The following ALPK1 variants were observed in gnomAD, a reference collection of about 807,000 sequenced individuals.
ALPK1 encodes alpha kinase 1, also known as alpha-protein kinase 1.
In ALPK1, 110 loss-of-function variants were observed where a neutral mutation model predicts 120.6. That is an observed-to-expected ratio of 0.91 (90% confidence interval 0.78 to 1.07). The LOEUF (loss-of-function observed/expected upper bound fraction) is 1.07. Ranked by LOEUF, ALPK1 falls within the 50% of genes least tolerant of loss-of-function variation. ALPK1 has a pLI of 0.00. For synonymous variants in ALPK1, 582 were observed against 560.3 expected, an observed-to-expected ratio of 1.04 and a Z score of -0.55; for missense variants, 1,498 against 1,483.9, an observed-to-expected ratio of 1.01 and a Z score of -0.16.
At position 112,432,302 on chromosome 4, in the gene ALPK1, A is replaced by T; in HGVS notation, c.2755A>T (p.Asn919Tyr). 1 of 1,614,224 alleles carries T rather than the reference A, an allele frequency of 6.2e-7. No individual in the cohort carries two copies. The highest frequency in any genetic ancestry group is 8.5e-7 in the Non-Finnish European group (1 of 1,180,038). ...EEGNQPGNML[N>Y]CSQNSSSSSV... ...AGGAAATCAGCCTGGAAACATGCTAAACTGCAGCCAGAACTCCAGCTCATC... is the reference window on the plus strand; with the variant it reads ...AGGAAATCAGCCTGGAAACATGCTATACTGCAGCCAGAACTCCAGCTCATC... Residue 919 changes from asparagine to tyrosine, a missense_variant, in exon 11 of 16, where the codon AAC becomes TAC. Transcript: ENST00000650871.
At chr4:112,399,130 T>G (rs975105474) in intron 4 of ALPK1, among the ~76,000 whole-genome samples, 1 of 152,102 alleles carries the variant, frequency 6.6e-6, no homozygotes, top group African/African-American at 2.4e-5. Flanking sequence ...TCATCATCAG[T>G]GTTGATATTT....
At chr4:112,419,102 CTTAG>C (rs1733874654) in intron 5 of ALPK1, among the ~76,000 whole-genome samples, 2 of 152,210 alleles carry the variant, frequency 1.3e-5, no homozygotes, top group Non-Finnish European at 1.5e-5. Flanking sequence ...AATGCCCATT[CTTAG>C]TTAGCAACAA....
At chr4:112,400,510 G>C (rs961864509) in intron 4 of ALPK1, among the ~76,000 whole-genome samples, 4 of 152,178 alleles carry the variant, frequency 2.6e-5, no homozygotes, top group African/African-American at 9.7e-5. Context: ...TTGCCGGGCA[G>C]TAATGGGAGC....
chr4:112,409,892 A>C (rs1475590240), intron 4 of ALPK1, among the ~76,000 whole-genome samples: 2 of 152,190 alleles, frequency 1.3e-5, no homozygotes, highest in Admixed American at 6.5e-5. Flanking sequence ...CAGCAATGAT[A>C]GACTCAGACC....
intron 2 of ALPK1, among the ~76,000 whole-genome samples, chr4:112,317,747 A>G (rs1006460221): frequency 2.6e-5 from 4 of 152,176 alleles, no homozygotes; most frequent in African/African-American, 9.7e-5. Context: ...TACTTTTGGA[A>G]GAAAATGTCA....
chr4:112,392,756 C>G (rs568679521), intron 4 of ALPK1, among the ~76,000 whole-genome samples: 1 of 152,114 alleles, frequency 6.6e-6, no homozygotes, highest in African/African-American at 2.4e-5. Flanking sequence ...GTCTCAAACT[C>G]CTGAGCTCAA....
intron 2 of ALPK1, among the ~76,000 whole-genome samples, chr4:112,376,138 A>G (rs1320212412): frequency 1.3e-5 from 2 of 152,234 alleles, no homozygotes; most frequent in African/African-American, 4.8e-5. Flanking sequence ...CATAACAGAT[A>G]TAATAATAAT....
intron 1 of ALPK1, among the ~76,000 whole-genome samples, chr4:112,308,799 G>A (rs1444725283): frequency 1.3e-5 from 2 of 152,102 alleles, no homozygotes; most frequent in East Asian, 1.9e-4. Context: ...GAGGAGCTGC[G>A]TTCCTTTGGA....
chr4:112,323,989 G>A (rs1431923920), intron 2 of ALPK1, among the ~76,000 whole-genome samples: 1 of 152,190 alleles, frequency 6.6e-6, no homozygotes, highest in Non-Finnish European at 1.5e-5. Context: ...TGTCTCTATT[G>A]CAGCCAAGGA....
rs139973029 is a variant in ALPK1 at position 112,312,127 on chromosome 4, A to G, written c.-152-3674A>G. 3.9e-5 allele frequency among the ~76,000 whole-genome samples: 6 copies of G among 152,332 alleles called. No individual in the cohort carries two copies. In the East Asian group the frequency reaches 1.2e-3, roughly 29 times the overall value. ...ACTTCATTATAAATACTATAGCTAT[A>G]CAAAGAAAAAATTGTAAAATATTCA... On this transcript the variant is annotated intron_variant, in intron 1 of 15. Coordinates refer to ENST00000650871, the MANE Select transcript of ALPK1 (RefSeq NM_025144.4).
At chr4:112,433,362 A>G (rs969627377) in intron 11 of ALPK1, among the ~76,000 whole-genome samples, 1 of 152,130 alleles carries the variant, frequency 6.6e-6, no homozygotes, top group African/African-American at 2.4e-5. Context: ...GATCTCTTTT[A>G]TGAGGGCACT....
At chr4:112,363,994 TAAAATTCTTTGAACTG>T (rs1374471007) in intron 2 of ALPK1, among the ~76,000 whole-genome samples, 1 of 152,154 alleles carries the variant, frequency 6.6e-6, no homozygotes, top group Non-Finnish European at 1.5e-5. Context: ...ATAGAAATTT[TAAAATTCTTTGAACTG>T]AATGATAATA....
In ALPK1 at chr4:112,432,256, G is replaced by A; in HGVS notation, c.2709G>A (p.Glu903=). 6.2e-7 allele frequency: 1 copy of A among 1,614,174 alleles called. No homozygotes were observed. Among genetic ancestry groups the A allele is most frequent in the Non-Finnish European group, 8.5e-7 (1 of 1,180,036 alleles). ...ACATCCTCTTCCCTGTCCTCAGCGA[G>A]GACTGCACTACCACAGAGGAAGGAA... ...SGNILFPVLS[E]DCTTTEEGNQ... The change falls in exon 11 of 16, where the codon GAG becomes GAA. Residue 903 remains glutamate (E), a synonymous_variant. Transcript: ENST00000650871.
At chr4:112,334,942 G>A (rs1436128898) in intron 2 of ALPK1, among the ~76,000 whole-genome samples, 1 of 152,210 alleles carries the variant, frequency 6.6e-6, no homozygotes, top group Non-Finnish European at 1.5e-5. Context: ...CCACATTCCA[G>A]GGGTTCACAG....
chr4:112,379,070 C>T (rs760016855), intron 3 of ALPK1, among the ~76,000 whole-genome samples: 11 of 152,186 alleles, frequency 7.2e-5, no homozygotes, highest in Non-Finnish European at 1.5e-4. Context: ...CCCTAGTTCT[C>T]CCCAGGGGCG....
intron 9 of ALPK1, 185 bp downstream of exon 9, chr4:112,427,850 G>A (rs376492179): frequency 1.6e-5 from 9 of 546,912 alleles, no homozygotes; most frequent in South Asian, 5.0e-5. Flanking sequence ...TTATCCCAGC[G>A]CCTAGCACTG....
chr4:112,417,280 A>G (rs775902370), intron 5 of ALPK1, among the ~76,000 whole-genome samples: 12 of 152,218 alleles, frequency 7.9e-5, no homozygotes, highest in Non-Finnish European at 1.6e-4. Context: ...GGAGAGTAAA[A>G]AAAGATGATG....
intron 1 of ALPK1, among the ~76,000 whole-genome samples, chr4:112,304,065 T>C (rs1268587395): frequency 2.6e-5 from 4 of 152,164 alleles, no homozygotes; most frequent in Non-Finnish European, 5.9e-5. Flanking sequence ...CAGGTCCCTA[T>C]AAAGGACATG....
intron 1 of ALPK1, among the ~76,000 whole-genome samples, chr4:112,303,910 C>T (rs1344328248): frequency 6.6e-6 from 1 of 152,088 alleles, no homozygotes; most frequent in Non-Finnish European, 1.5e-5. Flanking sequence ...TTCCCCAACC[C>T]CACTACAAGC....
Sources: gnomAD v4.1 joint callset for allele counts (sites outside exome capture counted in the v4.1 genomes callset) on GRCh38, gnomAD v4.1.1 for gene constraint, MANE v1.5 for transcripts, NCBI Gene and HGNC (gene_info 2026-07-23, HGNC 2026-07-21) for gene names.